The following WDR25 variants were observed in gnomAD, a reference collection of about 807,000 sequenced individuals.
WDR25 encodes WD repeat domain 25, also known as WD repeat-containing protein 25.
Under a neutral mutation model 47.7 loss-of-function variants are expected in WDR25, and 35 were observed. The observed-to-expected ratio is 0.73, with a 90% CI of 0.56 to 0.97. The LOEUF (loss-of-function observed/expected upper bound fraction) is 0.97, where lower values mean the gene tolerates loss of function less well. Ranked by LOEUF, WDR25 falls within the 50% of genes least tolerant of loss-of-function variation. The probability of loss-of-function intolerance (pLI) is 0.00; values close to 1 mark genes in which losing one functional copy is unlikely to be tolerated. For missense variants in WDR25, 634 were observed against 704.7 expected (o/e 0.90, Z 1.14); for synonymous variants, 248 against 278.9 (o/e 0.89, Z 1.10).
At chr14:100,516,272 T>C (rs1411474682) in intron 4 of WDR25, among the ~76,000 whole-genome samples, 1 of 152,192 alleles carries the variant, frequency 6.6e-6, no homozygotes, top group African/African-American at 2.4e-5. Context: ...GAGTACTCTA[T>C]CCAATGCCAT....
chr14:100,523,645 T>C lies in WDR25; in HGVS notation c.1102-2225T>C, dbSNP rs1364224587. On this transcript the variant is annotated intron_variant, in intron 4 of 6. Transcript: ENST00000402312. The surrounding 1 kb of genome is among the most constrained non-coding windows in gnomAD (Gnocchi z 4.7). ...TCTGGAAGTGGCAGGAACCCAAGGC[T>C]GCTCTGGACGAGTCAGCAGCGGCCC... 2.6e-5 allele frequency among the ~76,000 whole-genome samples: 4 copies of C among 152,142 alleles called. No homozygotes were observed. Among genetic ancestry groups the C allele is most frequent in the Admixed American group, 1.3e-4 (2 of 15,286 alleles).
rs528928545 is a variant in WDR25 at position 100,392,708 on chromosome 14, A to G, written c.822+10962A>G. 2.6e-5 allele frequency among the ~76,000 whole-genome samples: 4 copies of G among 152,164 alleles called. No homozygotes were observed. The highest frequency in any genetic ancestry group is 2.1e-4 in the South Asian group (1 of 4,818). ...CCTCTGCGTCTTTGGAGGGCCGTCA[A>G]TTTTCACTGGTTCCATGACGCTCTA... On this transcript the variant is annotated intron_variant, in intron 2 of 6. Transcript: ENST00000402312. This position sits in a 1 kb window ranked among gnomAD's most constrained non-coding sequence, Gnocchi z 4.2.
chr14:100,415,411 C>G (rs1897841374), intron 2 of WDR25, among the ~76,000 whole-genome samples: 1 of 152,178 alleles, frequency 6.6e-6, no homozygotes, highest in South Asian at 2.1e-4. Context: ...GCACAATTCT[C>G]CATGGGTCTG....
intron 4 of WDR25, among the ~76,000 whole-genome samples, chr14:100,519,973 GGTATATATA>G (rs1462334765): frequency 2.2e-5 from 3 of 138,220 alleles, no homozygotes; most frequent in African/African-American, 8.0e-5. Context: ...GTATATATAT[GGTATATATA>G]GTATATATAG....
At chr14:100,455,919 G>T (rs1221003894) in intron 2 of WDR25, among the ~76,000 whole-genome samples, 1 of 152,212 alleles carries the variant, frequency 6.6e-6, no homozygotes, top group Admixed American at 6.5e-5. Context: ...AGGAGGCTGG[G>T]TGTGGGGAAG....
rs1024517442 is a variant in WDR25 at position 100,529,276 on chromosome 14, A to T, written c.1413+68A>T. ...CCCAAGCCTCCTGGCAGTCCTGGAC[A>T]TGGGCCCTGGGGTGCATGGAGCCTC... On this transcript the variant is annotated intron_variant, in intron 6 of 6. Coordinates refer to ENST00000402312, the MANE Select transcript of WDR25 (RefSeq NM_001161476.3). The surrounding 1 kb of genome is among the most constrained non-coding windows in gnomAD (Gnocchi z 5.1). 1 of 1,602,038 alleles carries T rather than the reference A, an allele frequency of 6.2e-7. No individual in the cohort carries two copies. The highest frequency in any genetic ancestry group is 8.5e-7 in the Non-Finnish European group (1 of 1,175,034).
rs1428905769 is a variant in WDR25 at position 100,381,629 on chromosome 14, C to T, written c.705C>T (p.Pro235=). ...LNSHYKETTV[P]RKVLFHLRGH... ...GCCATTATAAAGAAACCACAGTTCC[C>T]CGGAAAGTGCTTTTCCACCTGAGAG... Residue 235 remains proline, a synonymous_variant, in exon 2 of 7, where the codon CCC becomes CCT. Coordinates refer to ENST00000402312, the MANE Select transcript of WDR25 (RefSeq NM_001161476.3). The T allele has an allele frequency of 2.5e-6, 4 of 1,608,106 alleles. No homozygotes were observed. Among genetic ancestry groups the T allele is most frequent in the Non-Finnish European group, 3.4e-6 (4 of 1,175,304 alleles).
At chr14:100,466,369 G>T (rs10129340) in intron 2 of WDR25, among the ~76,000 whole-genome samples, 1 of 151,990 alleles carries the variant, frequency 6.6e-6, no homozygotes, top group Non-Finnish European at 1.5e-5. Context: ...GAGAACATTC[G>T]GGACTTGGCA....
In WDR25 at chr14:100,502,261, C is replaced by T. The variant is rs998766351; in HGVS notation, c.1101+18137C>T. On this transcript the variant is annotated intron_variant, in intron 4 of 6. Coordinates refer to ENST00000402312, the MANE Select transcript of WDR25 (RefSeq NM_001161476.3). The surrounding 1 kb of genome is among the most constrained non-coding windows in gnomAD (Gnocchi z 4.5). ...ATGTCATCCACCTCTGTACATTGTC[C>T]GAGGGACAGTTTCATAACTTCCCTG... 7.2e-5 allele frequency among the ~76,000 whole-genome samples: 11 copies of T among 152,162 alleles called. No individual in the cohort carries two copies. The highest frequency in any genetic ancestry group is 1.3e-4 in the Admixed American group (2 of 15,288).
chr14:100,381,751 G>T lies in WDR25; in HGVS notation c.822+5G>T. 2 of 1,578,020 alleles carry T rather than the reference G, an allele frequency of 1.3e-6. No individual in the cohort carries two copies. Among genetic ancestry groups the T allele is most frequent in the South Asian group, 2.3e-5 (2 of 87,538 alleles). On this transcript the variant is annotated splice_donor_5th_base_variant and intron_variant, in intron 2 of 6. Coordinates refer to ENST00000402312, the MANE Select transcript of WDR25 (RefSeq NM_001161476.3). The stretch of plus-strand genomic sequence containing the variant: ...TCTATGGATAAAACTTTCAAGGTAA[G>T]ACTTGAATGAAAACTTCTGCTTTCA...
intron 4 of WDR25, among the ~76,000 whole-genome samples, chr14:100,510,694 T>C (rs1336897316): frequency 2.7e-5 from 4 of 150,120 alleles, no homozygotes; most frequent in East Asian, 2.0e-4. Flanking sequence ...CGAGATCGCG[T>C]CATTGCACTC....
chr14:100,468,986 G>A lies in WDR25; in HGVS notation c.970+818G>A, dbSNP rs1229344100. ...AATGTTTTATCCCCCTCCATGAGCA[G>A]GATCCAGCTTCTTTCAGCACCACAC... is the stretch of plus-strand genomic sequence containing the variant. On this transcript the variant is annotated intron_variant, in intron 3 of 6. Coordinates refer to ENST00000402312, the MANE Select transcript of WDR25 (RefSeq NM_001161476.3). The surrounding 1 kb of genome is among the most constrained non-coding windows in gnomAD (Gnocchi z 4.5). 6.6e-6 allele frequency among the ~76,000 whole-genome samples: 1 copy of A among 151,706 alleles called. No individual in the cohort carries two copies. The highest frequency in any genetic ancestry group is 1.5e-5 in the Non-Finnish European group (1 of 67,974).
At chr14:100,423,296 C>CT (rs1898077689) in intron 2 of WDR25, among the ~76,000 whole-genome samples, 1 of 152,102 alleles carries the variant, frequency 6.6e-6, no homozygotes, top group Non-Finnish European at 1.5e-5. Flanking sequence ...GTGCATGAAG[C>CT]TTCTGTGGAG....
chr14:100,507,538 C>T (rs373515844), intron 4 of WDR25, among the ~76,000 whole-genome samples: 2 of 151,948 alleles, frequency 1.3e-5, no homozygotes, highest in South Asian at 4.2e-4. Flanking sequence ...TCCATGAGCA[C>T]GGAATGGTTT....
rs1455814951 is a variant in WDR25, at chr14:100,488,445, C to T, written c.1101+4321C>T. ...AGCTGCAGGAGACCTGGGCTCACGT[C>T]CTCCCTCTGCTACTTGCTTGGCTGG... On this transcript the variant is annotated intron_variant, in intron 4 of 6. Coordinates refer to ENST00000402312, the MANE Select transcript of WDR25 (RefSeq NM_001161476.3). This position sits in a 1 kb window ranked among gnomAD's most constrained non-coding sequence, Gnocchi z 4.2. Among the ~76,000 whole-genome samples, 1 of 152,164 alleles carries T rather than the reference C, an allele frequency of 6.6e-6. No homozygotes were observed. Among genetic ancestry groups the T allele is most frequent in the Non-Finnish European group, 1.5e-5 (1 of 68,032 alleles).
At chr14:100,454,079 T>C (rs78352137) in intron 2 of WDR25, among the ~76,000 whole-genome samples, 11,747 of 152,306 alleles carry the variant, frequency 0.077, 594 homozygotes, top group Middle Eastern at 0.12. Flanking sequence ...GTTCTTGCTG[T>C]TGCTGCAAAT....
intron 2 of WDR25, among the ~76,000 whole-genome samples, chr14:100,418,251 G>A (rs549974153): frequency 4.5e-4 from 68 of 151,380 alleles, no homozygotes; most frequent in African/African-American, 1.5e-3. Context: ...GCCTTCTTAC[G>A]TCTTATATCC....
chr14:100,516,390 C>A (rs1285699001), intron 4 of WDR25, among the ~76,000 whole-genome samples: 1 of 152,024 alleles, frequency 6.6e-6, no homozygotes, highest in East Asian at 1.9e-4. Flanking sequence ...GGTTCCTTTC[C>A]CGGTTTGTGT....
chr14:100,478,144 G>A (rs1423888394), intron 3 of WDR25, among the ~76,000 whole-genome samples: 3 of 152,042 alleles, frequency 2.0e-5, no homozygotes, highest in African/African-American at 7.2e-5. Context: ...GTATCCCTTG[G>A]TTTTAGTTTG....
Sources: gnomAD v4.1 joint callset for allele counts (sites outside exome capture counted in the v4.1 genomes callset) on GRCh38, gnomAD v4.1.1 for gene constraint, Gnocchi (gnomAD v3.1) non-coding constraint, MANE v1.5 for transcripts, NCBI Gene and HGNC (gene_info 2026-07-23, HGNC 2026-07-21) for gene names.